The following EHBP1 variants were observed in gnomAD, a reference collection of about 807,000 sequenced individuals.
EHBP1 encodes EH domain binding protein 1.
A neutral mutation model predicts 144.0 loss-of-function variants in EHBP1; 55 were observed. The observed-to-expected ratio is 0.38, with a 90% CI of 0.31 to 0.48. EHBP1 has a LOEUF of 0.48. EHBP1 is among the 20% of genes least tolerant of loss of function. EHBP1 has a pLI of 0.98. For synonymous variants in EHBP1, 469 were observed against 472.7 expected (o/e 0.99, Z 0.10); for missense variants, 1,200 against 1,364.2 (o/e 0.88, Z 1.90).
intron 17 of EHBP1, 81 bp from the exon 18 acceptor site, chr2:62,993,790 T>C (rs2059516978): frequency 9.0e-7 from 1 of 1,109,388 alleles, no homozygotes; most frequent in Non-Finnish European, 1.2e-6. Flanking sequence ...GTATATAATC[T>C]GGTAATGTAA....
At chr2:62,941,971 TA>T (rs1227721039) in intron 10 of EHBP1, among the ~76,000 whole-genome samples, 6 of 152,098 alleles carry the variant, frequency 3.9e-5, no homozygotes, top group African/African-American at 1.4e-4. Context: ...GGTTTGTTAT[TA>T]TTATTGATGT....
chr2:62,948,796 CAAA>C lies in EHBP1; in HGVS notation c.1953_1955del (p.Lys652del). On this transcript the variant is annotated inframe_deletion, in exon 13 of 23. Transcript: ENST00000431489. ...CAACCCAAGCACAGGTTTTGTTAGG[CAAA>C]AAGAGACTATTGAAAGCTGAGACTT... is the stretch of plus-strand genomic sequence containing the variant. 1 of 1,613,798 alleles carries C rather than the reference CAAA, an allele frequency of 6.2e-7. No individual in the cohort carries two copies. The highest frequency in any genetic ancestry group is 1.1e-5 in the South Asian group (1 of 91,062).
At chr2:62,872,081 A>G (rs920087115) in intron 9 of EHBP1, 3 of 152,158 alleles carry the variant, frequency 2.0e-5, no homozygotes, top group African/African-American at 7.2e-5. Context: ...TTTTCCAAAG[A>G]AACATAGATA....
chr2:63,037,468 T>C, intron 19 of EHBP1, 67 bp from the exon 20 acceptor site: 3 of 996,326 alleles, frequency 3.0e-6, no homozygotes, highest in Non-Finnish European at 4.6e-6. Context: ...TAAAAAATTA[T>C]GTGCTAAACT....
At chr2:62,863,417 G>A (rs541700032) in intron 8 of EHBP1, among the ~76,000 whole-genome samples, 5 of 152,176 alleles carry the variant, frequency 3.3e-5, no homozygotes, top group Admixed American at 2.6e-4. Context: ...ACTACAGCCT[G>A]GGCAACAGAG....
At chr2:62,730,220 T>C (rs1252363902) in intron 2 of EHBP1, among the ~76,000 whole-genome samples, 1 of 152,130 alleles carries the variant, frequency 6.6e-6, no homozygotes, top group African/African-American at 2.4e-5. Context: ...ATATCTTACA[T>C]TAATAATGAC....
intron 5 of EHBP1, among the ~76,000 whole-genome samples, chr2:62,803,341 G>T (rs1429924764): frequency 6.6e-6 from 1 of 151,974 alleles, no homozygotes; most frequent in Non-Finnish European, 1.5e-5. Context: ...ATTTTATTTT[G>T]ATAGTTTTAT....
At chr2:62,939,252 A>G (rs2710650) in intron 10 of EHBP1, among the ~76,000 whole-genome samples, 151,014 of 152,248 alleles carry the variant, frequency 0.99, 74,894 homozygotes, top group Middle Eastern at 1. Flanking sequence ...TTGGGGTTGG[A>G]TGATGGAAAT....
intron 2 of EHBP1, among the ~76,000 whole-genome samples, chr2:62,732,111 G>C (rs2037657846): frequency 6.6e-6 from 1 of 152,068 alleles, no homozygotes; most frequent in Non-Finnish European, 1.5e-5. Flanking sequence ...TGATGTTATT[G>C]TTGCTTTATA....
intron 5 of EHBP1, among the ~76,000 whole-genome samples, chr2:62,785,653 T>A (rs2042752375): frequency 6.6e-6 from 1 of 152,146 alleles, no homozygotes; most frequent in Admixed American, 6.5e-5. Context: ...GTGAGATTCC[T>A]TTAAATTTTA....
chr2:62,926,890 C>T (rs906881597), intron 10 of EHBP1, among the ~76,000 whole-genome samples: 2 of 152,084 alleles, frequency 1.3e-5, no homozygotes, highest in Admixed American at 1.3e-4. Flanking sequence ...TCTACACCCC[C>T]GTGTTTATTG....
chr2:62,819,863 C>T (rs1558727812), intron 5 of EHBP1, among the ~76,000 whole-genome samples: 1 of 151,670 alleles, frequency 6.6e-6, no homozygotes, highest in African/African-American at 2.4e-5. Context: ...ATATTAGGAG[C>T]GATGAAATTT....
At chr2:62,894,132 G>T (rs1377287790) in intron 10 of EHBP1, among the ~76,000 whole-genome samples, 1 of 151,734 alleles carries the variant, frequency 6.6e-6, no homozygotes, top group Non-Finnish European at 1.5e-5. Flanking sequence ...TATTTATGTA[G>T]CCCCTACTAT....
At chr2:62,687,568 C>G (rs1354923191) in intron 1 of EHBP1, among the ~76,000 whole-genome samples, 1 of 152,122 alleles carries the variant, frequency 6.6e-6, no homozygotes, top group African/African-American at 2.4e-5. Context: ...GCCTAATTTT[C>G]TAGGTATTTC....
intron 1 of EHBP1, among the ~76,000 whole-genome samples, chr2:62,683,270 C>T (rs76633067): frequency 3.3e-5 from 5 of 152,160 alleles, no homozygotes; most frequent in African/African-American, 1.2e-4. Flanking sequence ...AGAGACAATA[C>T]TCTTGCCCAG....
chr2:62,942,919 C>G, intron 11 of EHBP1, 23 bp downstream of exon 11: 1 of 1,509,446 alleles, frequency 6.6e-7, no homozygotes, highest in Non-Finnish European at 9.0e-7. Context: ...ATTTTCCATT[C>G]CCTATATTTT....
intron 10 of EHBP1, among the ~76,000 whole-genome samples, chr2:62,890,812 C>A (rs1220283752): frequency 6.6e-6 from 1 of 152,164 alleles, no homozygotes; most frequent in Non-Finnish European, 1.5e-5. Flanking sequence ...ATGTTTTCAA[C>A]AAATTTCAGA....
In EHBP1 at chr2:62,791,521, G is replaced by T. The variant is rs574455619; in HGVS notation, c.312+20129G>T. 5.3e-5 allele frequency among the ~76,000 whole-genome samples: 8 copies of T among 151,894 alleles called. No individual in the cohort carries two copies. In the East Asian group the frequency reaches 1.4e-3, roughly 26 times the overall value. ...TAATATTTTTGGAAAATACATTTTT[G>T]AATAATATAAGAACATTTTAGTTTC... is the stretch of plus-strand genomic sequence containing the variant. On this transcript the variant is annotated intron_variant, in intron 5 of 22. Coordinates refer to ENST00000431489, the MANE Select transcript of EHBP1 (RefSeq NM_001142616.3).
intron 19 of EHBP1, among the ~76,000 whole-genome samples, chr2:63,017,111 G>A (rs1457948550): frequency 2.0e-5 from 3 of 152,216 alleles, no homozygotes; most frequent in Non-Finnish European, 4.4e-5. Context: ...ATAGAATGAG[G>A]ACACTATGGC....
Sources: gnomAD v4.1 joint callset for allele counts (sites outside exome capture counted in the v4.1 genomes callset) on GRCh38, gnomAD v4.1.1 for gene constraint, MANE v1.5 for transcripts, NCBI Gene and HGNC (gene_info 2026-07-23, HGNC 2026-07-21) for gene names.